The following EXOC4 variants were observed in gnomAD, a reference collection of about 807,000 sequenced individuals.
EXOC4 encodes the protein exocyst complex component 4, also known as SEC8-like 1.
In EXOC4, 71 loss-of-function variants were observed where a neutral mutation model predicts 107.2. The ratio of observed to expected loss-of-function variants is 0.66; its 90% CI spans 0.55 to 0.81. The LOEUF is 0.81. Among genes scored for constraint, EXOC4 ranks in the 30% least tolerant of loss-of-function variants. The probability of loss-of-function intolerance (pLI) is 0.00; values close to 1 mark genes in which losing one functional copy is unlikely to be tolerated. For synonymous variants in EXOC4, 456 were observed against 441.2 expected (o/e 1.03, Z -0.42); for missense variants, 1,108 against 1,189.6 (o/e 0.93, Z 1.01).
chr7:133,650,127 T>C (rs976924561), intron 10 of EXOC4, among the ~76,000 whole-genome samples: 2 of 152,150 alleles, frequency 1.3e-5, no homozygotes, highest in African/African-American at 4.8e-5. Context: ...TTTTTCAGTT[T>C]GGTAATTTAA....
At chr7:133,596,069 T>C (rs1801663560) in intron 9 of EXOC4, among the ~76,000 whole-genome samples, 1 of 152,358 alleles carries the variant, frequency 6.6e-6, no homozygotes, top group East Asian at 1.9e-4. Flanking sequence ...TGTTTTCCGC[T>C]TCCGCCCTTG....
At chr7:133,559,312 T>G (rs1563107956) in intron 9 of EXOC4, among the ~76,000 whole-genome samples, 1 of 152,210 alleles carries the variant, frequency 6.6e-6, no homozygotes, top group Non-Finnish European at 1.5e-5. Flanking sequence ...GTTTTTAAAT[T>G]TTCTTTGGTT....
At chr7:133,667,431 T>C (rs1793845552) in intron 10 of EXOC4, among the ~76,000 whole-genome samples, 1 of 152,232 alleles carries the variant, frequency 6.6e-6, no homozygotes, top group African/African-American at 2.4e-5. Context: ...ATTTGTTTAT[T>C]TTCTAGACAG....
At position 133,862,884 on chromosome 7, in the gene EXOC4, C is replaced by G. The variant is rs538921802; in HGVS notation, c.1735-32715C>G. The stretch of plus-strand genomic sequence containing the variant: ...CCAGAGCAAATATATGTGAGTAAAA[C>G]TATTTGAAAATTAACATCTAAAGTA... On this transcript the variant is annotated intron_variant, in intron 11 of 17. Transcript: ENST00000253861. Among the ~76,000 whole-genome samples the G allele has an allele frequency of 2.8e-4, 42 of 152,188 alleles. No homozygotes were observed. The South Asian group carries it at 8.5e-3, about 31-fold the overall frequency.
intron 14 of EXOC4, among the ~76,000 whole-genome samples, chr7:133,955,018 G>T (rs1800781389): frequency 6.6e-6 from 1 of 152,226 alleles, no homozygotes; most frequent in African/African-American, 2.4e-5. Context: ...CCCTGGCTCG[G>T]GGAGCTCCTA....
the EXOC4 span, among the ~76,000 whole-genome samples, chr7:134,097,386 A>C: frequency 1.3e-5 from 2 of 152,086 alleles, no homozygotes; most frequent in Non-Finnish European, 2.9e-5. Context: ...AAAAAAAAAA[A>C]GTTCATGGGT....
intron 7 of EXOC4, among the ~76,000 whole-genome samples, chr7:133,389,595 A>G (rs1974917): frequency 0.077 from 7,322 of 95,224 alleles, 1,387 homozygotes; most frequent in African/African-American, 0.15. Context: ...AAAAAAAAAA[A>G]GAGAGTCTTA....
chr7:133,836,980 G>A (rs1797931243), intron 11 of EXOC4, among the ~76,000 whole-genome samples: 1 of 152,122 alleles, frequency 6.6e-6, no homozygotes, highest in East Asian at 1.9e-4. Context: ...TTACACTCTA[G>A]CCTCTAATTT....
chr7:133,559,679 A>G lies in EXOC4; in HGVS notation c.1418-70366A>G, dbSNP rs188825145. ...GGCTGTGCCTTGGGAACAACTATTTACAGGAACTCAAATACCATCAGGTTT... is the reference window on the plus strand; with the variant it reads ...GGCTGTGCCTTGGGAACAACTATTTGCAGGAACTCAAATACCATCAGGTTT... On this transcript the variant is annotated intron_variant, in intron 9 of 17. Transcript: ENST00000253861. Among the ~76,000 whole-genome samples, 21 of 152,304 alleles carry G rather than the reference A, an allele frequency of 1.4e-4. No individual in the cohort carries two copies. The East Asian group carries it at 3.7e-3, about 27-fold the overall frequency.
intron 3 of EXOC4, among the ~76,000 whole-genome samples, chr7:133,297,099 A>G (rs1026935581): frequency 1.3e-5 from 2 of 152,208 alleles, no homozygotes; most frequent in Admixed American, 6.5e-5. Flanking sequence ...TCACATGGTG[A>G]TACTCACATT....
chr7:133,618,456 G>A (rs1802247381), intron 9 of EXOC4, among the ~76,000 whole-genome samples: 1 of 152,060 alleles, frequency 6.6e-6, no homozygotes, highest in Admixed American at 6.6e-5. Flanking sequence ...TTAACACTTT[G>A]TGCATGTGCT....
At position 133,835,957 on chromosome 7, in the gene EXOC4, A is replaced by G. The variant is rs115798469; in HGVS notation, c.1734+18413A>G. On this transcript the variant is annotated intron_variant, in intron 11 of 17. Transcript: ENST00000253861. ...ATTATAGACCTTGTGCCTGGGTAGA[A>G]ATAATTAATTGCCTTAGTGCTAGCT... 2.4e-3 allele frequency among the ~76,000 whole-genome samples: 368 copies of G among 152,310 alleles called. 5 individuals are homozygous for G. The highest frequency in any genetic ancestry group is 8.3e-3 in the African/African-American group (344 of 41,560).
chr7:133,993,177 T>C (rs1027299881), intron 14 of EXOC4, among the ~76,000 whole-genome samples: 2 of 152,226 alleles, frequency 1.3e-5, no homozygotes, highest in Admixed American at 6.5e-5. Flanking sequence ...GATTTTTGCA[T>C]TTATATTCAT....
chr7:133,969,165 G>C (rs192881543), intron 14 of EXOC4, among the ~76,000 whole-genome samples: 1 of 152,114 alleles, frequency 6.6e-6, no homozygotes, highest in South Asian at 2.1e-4. Flanking sequence ...TCACGAAGCT[G>C]TCATGCTGTG....
At chr7:133,555,871 G>A (rs1231154815) in intron 9 of EXOC4, among the ~76,000 whole-genome samples, 5 of 152,172 alleles carry the variant, frequency 3.3e-5, no homozygotes, top group African/African-American at 1.2e-4. Flanking sequence ...GAAATAGGAT[G>A]TGTGCATCAC....
At chr7:133,652,002 G>T (rs569674815) in intron 10 of EXOC4, among the ~76,000 whole-genome samples, 2 of 152,288 alleles carry the variant, frequency 1.3e-5, no homozygotes, top group East Asian at 3.9e-4. Flanking sequence ...CTAGAAGGCA[G>T]GTGCGACTTG....
downstream of EXOC4, among the ~76,000 whole-genome samples, chr7:134,070,233 A>G (rs1796254713): frequency 6.6e-6 from 1 of 152,234 alleles, no homozygotes; most frequent in African/African-American, 2.4e-5. Context: ...CACAGTTGTT[A>G]TAAGAAGTAC....
At chr7:133,420,894 T>C (rs1319578317) in intron 7 of EXOC4, among the ~76,000 whole-genome samples, 3 of 150,926 alleles carry the variant, frequency 2.0e-5, no homozygotes, top group Non-Finnish European at 4.4e-5. Flanking sequence ...TCTGCTTGAG[T>C]ATAGTGTTTT....
intron 10 of EXOC4, among the ~76,000 whole-genome samples, chr7:133,784,873 C>A (rs1041824163): frequency 3.3e-5 from 5 of 152,196 alleles, no homozygotes; most frequent in African/African-American, 9.6e-5. Flanking sequence ...TAAAAAATTT[C>A]TTTTGCTTTC....
Sources: allele counts gnomAD v4.1 joint callset (sites outside exome capture counted in the v4.1 genomes callset), GRCh38; gene constraint gnomAD v4.1.1; transcripts MANE v1.5; gene names NCBI Gene and HGNC (gene_info 2026-07-23, HGNC 2026-07-21).